The following NCKAP5 variants were observed in gnomAD, a reference collection of about 807,000 sequenced individuals.
NCKAP5 encodes the protein nck-associated protein 5.
In NCKAP5, 92 loss-of-function variants were observed where a neutral mutation model predicts 167.0. The ratio of observed to expected loss-of-function variants is 0.55; its 90% confidence interval spans 0.47 to 0.66. NCKAP5 has a LOEUF of 0.66. Ranked by LOEUF, NCKAP5 falls within the 30% of genes least tolerant of loss-of-function variation. The probability of loss-of-function intolerance (pLI) is 0.00; values close to 1 mark genes in which losing one functional copy is unlikely to be tolerated. For missense variants in NCKAP5, 2,378 were observed against 2,315.0 expected (o/e 1.03, Z -0.56); for synonymous variants, 891 against 877.4 (o/e 1.02, Z -0.27).
At chr2:132,728,001 G>C (rs1690630698) in intron 18 of NCKAP5, among the ~76,000 whole-genome samples, 1 of 152,208 alleles carries the variant, frequency 6.6e-6, no homozygotes, top group African/African-American at 2.4e-5. Context: ...CTTGATACCA[G>C]ACCTGGGAAA....
At chr2:132,764,860 A>G (rs1272258472) in intron 16 of NCKAP5, among the ~76,000 whole-genome samples, 2 of 152,238 alleles carry the variant, frequency 1.3e-5, no homozygotes, top group East Asian at 3.8e-4. Flanking sequence ...TCTAAGATAC[A>G]CTTTTATTTT....
At chr2:133,089,845 A>G (rs1313287448) in intron 6 of NCKAP5, among the ~76,000 whole-genome samples, 1 of 152,206 alleles carries the variant, frequency 6.6e-6, no homozygotes, top group African/African-American at 2.4e-5. Flanking sequence ...AAGTTCCGGT[A>G]AGCTTTCAAT....
chr2:133,085,716 T>C (rs1339313118), intron 6 of NCKAP5, among the ~76,000 whole-genome samples: 1 of 152,124 alleles, frequency 6.6e-6, no homozygotes, highest in Non-Finnish European at 1.5e-5. Flanking sequence ...GGCTAATTAA[T>C]TCATCGCTGG....
At chr2:132,786,942 C>A (rs1683624807) in intron 13 of NCKAP5, among the ~76,000 whole-genome samples, 1 of 152,192 alleles carries the variant, frequency 6.6e-6, no homozygotes, top group Non-Finnish European at 1.5e-5. Context: ...CCAAGCTTAG[C>A]CCCTCTTCTC....
At chr2:133,378,948 A>G (rs1240283302) in intron 3 of NCKAP5, among the ~76,000 whole-genome samples, 3 of 152,198 alleles carry the variant, frequency 2.0e-5, no homozygotes, top group Non-Finnish European at 2.9e-5. Context: ...ATTTCAATAA[A>G]CGAGCTTTAT....
intron 2 of NCKAP5, among the ~76,000 whole-genome samples, chr2:133,557,148 G>A (rs1270143799): frequency 3.9e-5 from 6 of 152,140 alleles, no homozygotes; most frequent in South Asian, 2.1e-4. Flanking sequence ...GCTCCTGGCC[G>A]ATAGCTTGTC....
Position 132,801,390 on chromosome 2 carries a change from A to C in NCKAP5, c.808-4661T>G, listed in dbSNP as rs532893907. 3.2e-4 allele frequency among the ~76,000 whole-genome samples: 48 copies of C among 152,324 alleles called. No homozygotes were observed. In the South Asian group the frequency reaches 5.0e-3, roughly 16 times the overall value. ...CCTACAGGGTAGCCACTCAAGAAAC[A>C]TGCATGTTTCTATGTATATATGTCA... is the stretch of plus-strand genomic sequence containing the variant. On this transcript the variant is annotated intron_variant, in intron 11 of 19. Transcript: ENST00000409261.
At chr2:133,604,794 G>T in the NCKAP5 span, among the ~76,000 whole-genome samples, 9 of 152,262 alleles carry the variant, frequency 5.9e-5, no homozygotes, top group African/African-American at 2.2e-4. Context: ...GACCGGCTTG[G>T]TCTGGGATAC....
intron 1 of NCKAP5, among the ~76,000 whole-genome samples, chr2:133,560,289 G>A (rs575278237): frequency 1.3e-5 from 2 of 152,186 alleles, no homozygotes; most frequent in African/African-American, 4.8e-5. Flanking sequence ...TTTGATGGAC[G>A]CCTACTGTGG....
chr2:133,526,528 G>A (rs1684942300), intron 2 of NCKAP5, among the ~76,000 whole-genome samples: 1 of 152,178 alleles, frequency 6.6e-6, no homozygotes, highest in Non-Finnish European at 1.5e-5. Context: ...CATTCCTGGT[G>A]TTGCCAGCTG....
intron 3 of NCKAP5, among the ~76,000 whole-genome samples, chr2:133,387,419 T>C (rs1687065127): frequency 1.3e-5 from 2 of 152,236 alleles, no homozygotes; most frequent in Non-Finnish European, 2.9e-5. Flanking sequence ...AGATCAGCTG[T>C]TAGTCTGATG....
In NCKAP5 at chr2:132,736,624, C is replaced by CAA. The variant is rs5834330; in HGVS notation, c.5129-4575_5129-4574dup. ...TGAAACCCCATCTCTACTAAAAATA[C>CAA]AAAAAAAAAAAAATCAGTTGGGCAT... On this transcript the variant is annotated intron_variant, in intron 16 of 19. Coordinates refer to ENST00000409261, the MANE Select transcript of NCKAP5 (RefSeq NM_207363.3). Among the ~76,000 whole-genome samples, 544 of 140,890 alleles carry CAA rather than the reference C, an allele frequency of 3.9e-3. 4 individuals carry two copies. Among genetic ancestry groups the CAA allele is most frequent in the Non-Finnish European group, 5.3e-3 (340 of 64,228 alleles). 92.4% of individuals were successfully genotyped at this position (140,890 alleles called of 152,430 possible). A position where few individuals can be genotyped will look rare whatever the true frequency, so the allele number is the denominator to read the frequency against.
chr2:133,471,137 T>C lies in NCKAP5; in HGVS notation c.69+46321A>G, dbSNP rs1025458642. Among the ~76,000 whole-genome samples the C allele has an allele frequency of 7.2e-5, 11 of 152,212 alleles. 3 individuals carry two copies. Among genetic ancestry groups the C allele is most frequent in the Admixed American group, 7.2e-4 (11 of 15,284 alleles). On this transcript the variant is annotated intron_variant, in intron 3 of 19. Coordinates refer to ENST00000409261, the MANE Select transcript of NCKAP5 (RefSeq NM_207363.3). ...TACACTTTTTGATCCTAAAAACAGTTCAGCTCAATTGTCAGCTCTTTAATT... is the reference window on the plus strand; with the variant it reads ...TACACTTTTTGATCCTAAAAACAGTCCAGCTCAATTGTCAGCTCTTTAATT...
intron 1 of NCKAP5, among the ~76,000 whole-genome samples, chr2:133,563,589 AAAAAAG>A (rs1688333535): frequency 6.7e-6 from 1 of 149,528 alleles, no homozygotes; most frequent in African/African-American, 2.5e-5. Context: ...AAAAAAAAAA[AAAAAAG>A]ATTCAGATCT....
the NCKAP5 span, among the ~76,000 whole-genome samples, chr2:133,663,272 C>CAAAAAAAAAA: frequency 1.0e-5 from 1 of 98,102 alleles, no homozygotes; most frequent in African/African-American, 3.5e-5. Context: ...GACTCCGTCT[C>CAAAAAAAAAA]AAAAAAAAAA....
At position 133,001,179 on chromosome 2, in the gene NCKAP5, T is replaced by C. The variant is rs946544794; in HGVS notation, c.342-6940A>G. 1.6e-4 allele frequency among the ~76,000 whole-genome samples: 24 copies of C among 152,062 alleles called. 2 individuals are homozygous for C. The highest frequency in any genetic ancestry group is 1.4e-3 in the Admixed American group (21 of 15,266). On this transcript the variant is annotated intron_variant, in intron 6 of 19. Transcript: ENST00000409261. ...ACACATATGGAACTCCAGTTATTGA[T>C]ATATATGTACACCTTGGGAATATGC...
chr2:133,650,759 G>A, the NCKAP5 span, among the ~76,000 whole-genome samples: 2 of 152,122 alleles, frequency 1.3e-5, no homozygotes, highest in African/African-American at 4.8e-5. Context: ...GTGGGCGCCT[G>A]TAATCCCAGC....
At chr2:133,625,859 G>A in the NCKAP5 span, among the ~76,000 whole-genome samples, 3 of 137,964 alleles carry the variant, frequency 2.2e-5, no homozygotes, top group South Asian at 2.2e-4. Context: ...GTGATGGAGC[G>A]AGACTTGTCT....
intron 3 of NCKAP5, 116 bp from the exon 4 acceptor site, chr2:133,303,226 CG>C (rs1680529353): frequency 5.9e-6 from 4 of 676,176 alleles, no homozygotes; most frequent in Non-Finnish European, 1.1e-5. Context: ...ACTTCCCTTC[CG>C]GTTCTAGGAT....
Sources: allele counts gnomAD v4.1 joint callset (sites outside exome capture counted in the v4.1 genomes callset), GRCh38; gene constraint gnomAD v4.1.1; transcripts MANE v1.5; gene names NCBI Gene and HGNC (gene_info 2026-07-23, HGNC 2026-07-21).